The following BBS7 variants were observed in gnomAD, a reference collection of about 807,000 sequenced individuals.
The protein encoded by BBS7 is BBSome complex member BBS7.
Under a neutral mutation model 90.3 loss-of-function variants are expected in BBS7, and 50 were observed. The observed-to-expected ratio is 0.55, with a 90% CI of 0.44 to 0.70. The LOEUF (loss-of-function observed/expected upper bound fraction) is 0.70, where lower values mean the gene tolerates loss of function less well. Among genes scored for constraint, BBS7 ranks in the 30% least tolerant of loss-of-function variants. BBS7 has a pLI of 0.00. For synonymous variants in BBS7, 235 were observed against 287.4 expected, an observed-to-expected ratio of 0.82 and a Z score of 1.85; for missense variants, 729 against 838.9, an observed-to-expected ratio of 0.87 and a Z score of 1.62.
At chr4:121,845,423 T>C (rs1331147197) in intron 11 of BBS7, 81 bp downstream of exon 11, 4 of 844,764 alleles carry the variant, frequency 4.7e-6, no homozygotes, top group Non-Finnish European at 5.4e-6. Context: ...AAACTAAAAA[T>C]GTTCAATAAT....
intron 8 of BBS7, among the ~76,000 whole-genome samples, chr4:121,849,364 CTAA>C (rs930432244): frequency 1.3e-5 from 2 of 152,128 alleles, no homozygotes; most frequent in Non-Finnish European, 2.9e-5. Context: ...CAACGCTGGG[CTAA>C]TTTTTGTATT....
At chr4:121,828,100 C>A (rs770114345) in intron 18 of BBS7, 46 bp downstream of exon 18, 3 of 1,609,400 alleles carry the variant, frequency 1.9e-6, no homozygotes, top group Non-Finnish European at 2.5e-6. Context: ...GGGAAATAGC[C>A]AGTTGAAAAG....
intron 15 of BBS7, 86 bp downstream of exon 15, chr4:121,833,145 C>G: frequency 7.6e-7 from 1 of 1,312,992 alleles, no homozygotes; most frequent in South Asian, 1.2e-5. Context: ...TCAGATTACT[C>G]ACAAATAACT....
chr4:121,839,429 GA>G (rs1725615061), intron 13 of BBS7, among the ~76,000 whole-genome samples: 1 of 152,106 alleles, frequency 6.6e-6, no homozygotes, highest in Non-Finnish European at 1.5e-5. Context: ...AATAATTTTA[GA>G]GAAGGTGATT....
chr4:121,860,191 A>G, intron 4 of BBS7, among the ~76,000 whole-genome samples: 1 of 152,000 alleles, frequency 6.6e-6, no homozygotes, highest in East Asian at 1.9e-4. Context: ...ATTTCATGAA[A>G]TTCTCTATGT....
At chr4:121,845,801 T>C (rs1469084217) in intron 10 of BBS7, 105 bp from the exon 11 acceptor site, 8 of 1,097,384 alleles carry the variant, frequency 7.3e-6, no homozygotes, top group Non-Finnish European at 1.1e-5. Context: ...AATGGGTTTT[T>C]ATTGGTTGAG....
rs1025886041 is a variant in BBS7 at position 121,825,136 on chromosome 4, G to A, written c.*724C>T. 13 of 151,690 alleles carry A rather than the reference G, an allele frequency of 8.6e-5. No individual in the cohort carries two copies. Among genetic ancestry groups the A allele is most frequent in the South Asian group, 2.1e-4 (1 of 4,808 alleles). 9.4% of individuals were successfully genotyped at this position (151,690 alleles called of 1,614,324 possible). ...ACAGCATGTCTAATTAAGATCCCCC[G>A]ACTCTGTGTAAGCTCTTCTTATTTC... On this transcript the variant is annotated 3_prime_UTR_variant, in exon 19 of 19. Coordinates refer to ENST00000264499, the MANE Select transcript of BBS7 (RefSeq NM_176824.3).
Position 121,825,694 on chromosome 4 carries a change from G to T in BBS7, c.*166C>A. On this transcript the variant is annotated 3_prime_UTR_variant, in exon 19 of 19. Transcript: ENST00000264499. ...CTTTTAGTTTTAGAAAGTTCAATTT[G>T]TCAAAAGAAATAGAAGCATTACTTT... 1 of 553,384 alleles carries T rather than the reference G, an allele frequency of 1.8e-6. No homozygotes were observed. The highest frequency in any genetic ancestry group is 2.9e-6 in the Non-Finnish European group (1 of 348,218). 34.3% of individuals were successfully genotyped at this position (553,384 alleles called of 1,614,324 possible).
At chr4:121,863,193 TC>T in intron 3 of BBS7, 23 bp downstream of exon 3, 1 of 1,610,294 alleles carries the variant, frequency 6.2e-7, no homozygotes. Flanking sequence ...AAACCATTTT[TC>T]CCCTTCACAA....
At chr4:121,843,767 T>C (rs1183394350) in intron 12 of BBS7, among the ~76,000 whole-genome samples, 160 bp downstream of exon 12, 1 of 152,138 alleles carries the variant, frequency 6.6e-6, no homozygotes, top group Non-Finnish European at 1.5e-5. Flanking sequence ...GTTTCTCGAC[T>C]GAGGACAGGG....
rs779259401 is a variant in BBS7 at position 121,825,842 on chromosome 4, C to G, written c.*18G>C. ...ATTTAAACAGACCACTTCTTTGGGACTTTACCTTATTTGTATGTCATGCTG... is the reference window on the plus strand; with the variant it reads ...ATTTAAACAGACCACTTCTTTGGGAGTTTACCTTATTTGTATGTCATGCTG... On this transcript the variant is annotated 3_prime_UTR_variant, in exon 19 of 19. Coordinates refer to ENST00000264499, the MANE Select transcript of BBS7 (RefSeq NM_176824.3). 1.9e-6 allele frequency: 3 copies of G among 1,611,936 alleles called. No homozygotes were observed. In the South Asian group the frequency reaches 3.3e-5, roughly 18 times the overall value.
chr4:121,828,939 G>C (rs1274272569), intron 15 of BBS7, among the ~76,000 whole-genome samples: 2 of 151,584 alleles, frequency 1.3e-5, no homozygotes, highest in East Asian at 3.9e-4. Context: ...AACTAAACAA[G>C]ATATATGCCT....
At chr4:121,855,605 AAAT>A in intron 5 of BBS7, 44 bp from the exon 6 acceptor site, 1 of 1,502,100 alleles carries the variant, frequency 6.7e-7, no homozygotes, top group Non-Finnish European at 9.3e-7. Flanking sequence ...TACAAACTGA[AAAT>A]AATAGAGGCA....
chr4:121,845,263 G>A (rs1435092902), intron 11 of BBS7, among the ~76,000 whole-genome samples: 3 of 152,088 alleles, frequency 2.0e-5, no homozygotes, highest in African/African-American at 7.2e-5. Flanking sequence ...AGCTACTCGG[G>A]AGGCTGAGGC....
At chr4:121,863,192 T>C in intron 3 of BBS7, 25 bp downstream of exon 3, 1 of 1,610,166 alleles carries the variant, frequency 6.2e-7, no homozygotes, top group Non-Finnish European at 8.5e-7. Flanking sequence ...AAAACCATTT[T>C]TCCCCTTCAC....
intron 18 of BBS7, among the ~76,000 whole-genome samples, chr4:121,826,293 G>C (rs1724903412): frequency 6.6e-6 from 1 of 152,142 alleles, no homozygotes. Flanking sequence ...ATCACAACAA[G>C]TGGTATATTT....
At chr4:121,855,947 TAC>T (rs1301447904) in intron 5 of BBS7, among the ~76,000 whole-genome samples, 1 of 52,644 alleles carries the variant, frequency 1.9e-5, no homozygotes, top group East Asian at 4.8e-4. Flanking sequence ...TATGTATATG[TAC>T]ATATATATGT....
chr4:121,826,775 G>C (rs1474640532), intron 18 of BBS7, among the ~76,000 whole-genome samples: 1 of 152,066 alleles, frequency 6.6e-6, no homozygotes, highest in African/African-American at 2.4e-5. Context: ...CGAAGTCAGG[G>C]GTTGGAGACC....
At chr4:121,858,909 C>G (rs1315901682) in intron 5 of BBS7, 83 bp downstream of exon 5, 7 of 1,318,050 alleles carry the variant, frequency 5.3e-6, no homozygotes, top group African/African-American at 1.5e-5. Flanking sequence ...AAACAGTAAC[C>G]ACTAATTTAT....
Sources: allele counts gnomAD v4.1 joint callset (sites outside exome capture counted in the v4.1 genomes callset), GRCh38; gene constraint gnomAD v4.1.1; transcripts MANE v1.5; gene names NCBI Gene and HGNC (gene_info 2026-07-23, HGNC 2026-07-21).